CDH13: variants seen among roughly 807,000 people sequenced by gnomAD.
CDH13 encodes the protein cadherin-13.
Under a neutral mutation model 63.8 loss-of-function variants are expected in CDH13, and 24 were observed. The observed-to-expected ratio is 0.38, with a 90% confidence interval of 0.27 to 0.53. CDH13 has a LOEUF of 0.53. Ranked by LOEUF, CDH13 falls within the 20% of genes least tolerant of loss-of-function variation. The probability of loss-of-function intolerance (pLI) is 0.85; values close to 1 mark genes in which losing one functional copy is unlikely to be tolerated. For synonymous variants in CDH13, 503 were observed against 355.3 expected (o/e 1.42, Z -4.67); for missense variants, 1,049 against 903.1 (o/e 1.16, Z -2.07).
chr16:82,944,922 T>TA (rs1406804621), intron 2 of CDH13, among the ~76,000 whole-genome samples: 3 of 152,146 alleles, frequency 2.0e-5, no homozygotes, highest in Admixed American at 6.6e-5. Context: ...AGAGAAATTT[T>TA]AAAAAAATAC....
Position 82,790,012 on chromosome 16 carries a change from A to G in CDH13, c.46-68350A>G, listed in dbSNP as rs138176277. 7.1e-3 allele frequency among the ~76,000 whole-genome samples: 1,079 copies of G among 152,252 alleles called. 8 individuals carry two copies. The highest frequency in any genetic ancestry group is 0.014 in the Middle Eastern group (4 of 294). On this transcript the variant is annotated intron_variant, in intron 1 of 13. Coordinates refer to ENST00000567109, the MANE Select transcript of CDH13 (RefSeq NM_001257.5). ...ATTTCTTCTTTAGCTTCTGCTCACTATGACATGAAGGACTTCTTCTTACCT... is the reference window on the plus strand; with the variant it reads ...ATTTCTTCTTTAGCTTCTGCTCACTGTGACATGAAGGACTTCTTCTTACCT...
At chr16:83,618,897 T>C (rs563427701) in intron 8 of CDH13, among the ~76,000 whole-genome samples, 3 of 152,198 alleles carry the variant, frequency 2.0e-5, no homozygotes, top group Non-Finnish European at 4.4e-5. Context: ...TCTTGTGAGA[T>C]TAAACAAAAT....
chr16:83,099,036 G>GTGTGTATGTGCATATATATGTATA (rs1555585970), intron 3 of CDH13, among the ~76,000 whole-genome samples: 1 of 151,798 alleles, frequency 6.6e-6, no homozygotes, highest in Non-Finnish European at 1.5e-5. Context: ...ATGTGTGTGG[G>GTGTGTATGTGCATATATATGTATA]TGTGTATGTA....
At chr16:83,504,685 C>G (rs1299223875) in intron 7 of CDH13, among the ~76,000 whole-genome samples, 3 of 152,188 alleles carry the variant, frequency 2.0e-5, no homozygotes, top group Non-Finnish European at 2.9e-5. Flanking sequence ...ATCCTCAACA[C>G]TAGACATCCA....
At chr16:82,926,013 GGTGGAATTCC>G (rs756330419) in intron 2 of CDH13, 8 of 151,968 alleles carry the variant, frequency 5.3e-5, no homozygotes, top group Non-Finnish European at 1.0e-4. Context: ...CAGGAGAGTT[GGTGGAATTCC>G]AGACAGTGGT....
intron 2 of CDH13, among the ~76,000 whole-genome samples, chr16:83,026,729 G>A (rs1293888672): frequency 6.6e-6 from 1 of 152,160 alleles, no homozygotes; most frequent in African/African-American, 2.4e-5. Flanking sequence ...TTTGCATAGA[G>A]CGTAGCACTC....
At chr16:83,167,270 G>T (rs1378426046) in intron 4 of CDH13, among the ~76,000 whole-genome samples, 1 of 151,800 alleles carries the variant, frequency 6.6e-6, no homozygotes, top group East Asian at 1.9e-4. Flanking sequence ...GCTGAGGCAG[G>T]TGGATCACTT....
intron 1 of CDH13, among the ~76,000 whole-genome samples, chr16:82,666,497 C>T (rs564189540): frequency 9.1e-4 from 138 of 152,296 alleles, no homozygotes; most frequent in African/African-American, 3.1e-3. Flanking sequence ...GCTAACCTCT[C>T]ACTTTGTGTG....
In CDH13 at chr16:83,009,212, C is replaced by G. The variant is rs75658842; in HGVS notation, c.158-22798C>G. 8.8e-3 allele frequency among the ~76,000 whole-genome samples: 1,338 copies of G among 152,264 alleles called. 10 individuals are homozygous for G. The highest frequency in any genetic ancestry group is 0.012 in the Non-Finnish European group (830 of 68,018). On this transcript the variant is annotated intron_variant, in intron 2 of 13. Transcript: ENST00000567109. ...ATGACTGAATGACACTTAATTGGGT[C>G]TTTTGATATTAGCATCCAGTATTTT... is the stretch of plus-strand genomic sequence containing the variant.
chr16:82,649,464 G>A (rs950921717), intron 1 of CDH13, among the ~76,000 whole-genome samples: 1 of 152,176 alleles, frequency 6.6e-6, no homozygotes, highest in African/African-American at 2.4e-5. Flanking sequence ...AGGGAACAGA[G>A]AAAGCACTAG....
chr16:83,369,302 G>A (rs1350177385), intron 6 of CDH13, among the ~76,000 whole-genome samples: 1 of 151,940 alleles, frequency 6.6e-6, no homozygotes, highest in East Asian at 1.9e-4. Context: ...CAACAAACAA[G>A]TCACCTGTTT....
At chr16:82,773,299 T>G (rs1237117780) in intron 1 of CDH13, 1 of 152,294 alleles carries the variant, frequency 6.6e-6, no homozygotes, top group African/African-American at 2.4e-5. Flanking sequence ...GTGAAAGTTC[T>G]TCTTTCCTTT....
chr16:82,837,911 A>T (rs1370013890), intron 1 of CDH13, among the ~76,000 whole-genome samples: 1 of 152,224 alleles, frequency 6.6e-6, no homozygotes, highest in Non-Finnish European at 1.5e-5. Flanking sequence ...ATGCCAGCCA[A>T]GGGCCAGCCT....
intron 5 of CDH13, among the ~76,000 whole-genome samples, chr16:83,303,387 G>C (rs974686783): frequency 6.6e-6 from 1 of 152,196 alleles, no homozygotes; most frequent in African/African-American, 2.4e-5. Context: ...GAGTCAATGT[G>C]TCTGTCAATT....
At chr16:82,738,946 C>A (rs1322885132) in intron 1 of CDH13, among the ~76,000 whole-genome samples, 1 of 152,236 alleles carries the variant, frequency 6.6e-6, no homozygotes, top group Non-Finnish European at 1.5e-5. Flanking sequence ...ACATCACAGA[C>A]TTTCCAGAAC....
chr16:82,962,496 T>A (rs1907169899), intron 2 of CDH13, among the ~76,000 whole-genome samples: 1 of 152,176 alleles, frequency 6.6e-6, no homozygotes, highest in African/African-American at 2.4e-5. Context: ...TGTGCCTTTG[T>A]TTGCAAAATT....
chr16:83,413,946 C>G (rs1009694731), intron 6 of CDH13, among the ~76,000 whole-genome samples: 2 of 152,090 alleles, frequency 1.3e-5, no homozygotes, highest in African/African-American at 4.8e-5. Flanking sequence ...AAGCTGAGAT[C>G]ACTCACCACT....
chr16:83,570,528 C>A (rs553512158), intron 7 of CDH13, among the ~76,000 whole-genome samples: 1 of 151,868 alleles, frequency 6.6e-6, no homozygotes, highest in Non-Finnish European at 1.5e-5. Context: ...CATGGTCTAG[C>A]GTGGAACAGC....
intron 8 of CDH13, among the ~76,000 whole-genome samples, chr16:83,625,189 C>T (rs1030491060): frequency 9.3e-5 from 14 of 151,120 alleles, no homozygotes; most frequent in African/African-American, 3.4e-4. Flanking sequence ...TGTGTGTGCT[C>T]ATGTGTGTGT....
Sources: allele counts gnomAD v4.1 joint callset (sites outside exome capture counted in the v4.1 genomes callset), GRCh38; gene constraint gnomAD v4.1.1; transcripts MANE v1.5; gene names NCBI Gene and HGNC (gene_info 2026-07-23, HGNC 2026-07-21).